Variants in TNIK observed in about 807,000 individuals in gnomAD.
The protein encoded by TNIK is TRAF2 and NCK-interacting protein kinase.
In TNIK, 49 loss-of-function variants were observed where a neutral mutation model predicts 191.3. The ratio of observed to expected loss-of-function variants is 0.26; its 90% CI spans 0.20 to 0.32. The LOEUF is 0.32. Ranked by LOEUF, TNIK falls within the 10% of genes least tolerant of loss-of-function variation. The pLI, the probability that TNIK is intolerant of heterozygous loss-of-function variation, is 1.00. For missense variants in TNIK, 1,155 were observed against 1,702.3 expected (o/e 0.68, Z 5.66); for synonymous variants, 594 against 600.9 (o/e 0.99, Z 0.17).
intron 2 of TNIK, among the ~76,000 whole-genome samples, chr3:171,322,490 A>G (rs1382543742): frequency 6.6e-6 from 1 of 152,180 alleles, no homozygotes; most frequent in Non-Finnish European, 1.5e-5. Flanking sequence ...GCATATATAA[A>G]GTACATCATT....
intron 18 of TNIK, among the ~76,000 whole-genome samples, chr3:171,118,660 A>C (rs1305349346): frequency 2.0e-5 from 3 of 152,222 alleles, no homozygotes; most frequent in Non-Finnish European, 2.9e-5. Flanking sequence ...CTGATCTTTG[A>C]TAAACCTGAC....
chr3:171,089,190 A>G (rs1721735393), intron 23 of TNIK, among the ~76,000 whole-genome samples: 2 of 152,310 alleles, frequency 1.3e-5, no homozygotes, highest in South Asian at 4.1e-4. Context: ...CTGCTCCTGG[A>G]CTACGAGCTG....
chr3:171,207,437 A>G (rs2108895626), intron 4 of TNIK, among the ~76,000 whole-genome samples: 1 of 152,188 alleles, frequency 6.6e-6, no homozygotes, highest in Admixed American at 6.5e-5. Context: ...GGGCTCAAGC[A>G]ACCCTCCCAG....
Position 171,123,656 on chromosome 3 carries a change from T to C in TNIK, c.2060A>G (p.Asn687Ser). The C allele has an allele frequency of 6.3e-7, 1 of 1,578,970 alleles. No individual in the cohort carries two copies. The highest frequency in any genetic ancestry group is 1.2e-5 in the South Asian group (1 of 85,910). Residue 687 changes from asparagine to serine, a missense_variant, in exon 18 of 33, where the codon AAT (asparagine) becomes AGT (serine). This residue lies in a region of TNIK where 735 missense variants were observed against 848.0 expected (regional missense o/e 0.87). Transcript: ENST00000436636. ...CAGAGCACTACCATTCCCAGGAGAA[T>C]TCTTTCTGGCTAATGCTGGGGATAT... is the stretch of plus-strand genomic sequence containing the variant. ...TSISPALARK[N>S]SPGNGSALGP... is the part of the protein sequence containing the mutation.
chr3:171,110,980 A>G (rs1725769947), intron 18 of TNIK, 103 bp from the exon 19 acceptor site: 1 of 1,168,914 alleles, frequency 8.6e-7, no homozygotes, highest in Non-Finnish European at 1.1e-6. Context: ...TAAGGAACTC[A>G]AAACAGCTCA....
rs1560207104 is a variant in TNIK at position 171,167,087 on chromosome 3, C to CT, written c.949+7_949+8insA. The CT allele has an allele frequency of 6.2e-7, 1 of 1,607,362 alleles. No homozygotes were observed. On this transcript the variant is annotated splice_region_variant and intron_variant, in intron 10 of 32. Transcript: ENST00000436636. ...TTTCTGCTGCTGAAATACAAATGTG[C>CT]GTCTAACCTTTTTCTCCTCGCTTCT... is the stretch of plus-strand genomic sequence containing the variant.
chr3:171,248,083 G>A (rs9857547), intron 2 of TNIK, among the ~76,000 whole-genome samples: 32,144 of 152,078 alleles, frequency 0.21, 3,479 homozygotes, highest in Middle Eastern at 0.32. Context: ...TTTACATTGA[G>A]TTAGGATGAA....
At chr3:171,229,795 C>A (rs1466539239) in intron 2 of TNIK, among the ~76,000 whole-genome samples, 1 of 152,042 alleles carries the variant, frequency 6.6e-6, no homozygotes, top group Non-Finnish European at 1.5e-5. Flanking sequence ...GGGGAAAGAG[C>A]ACAAAGAAGG....
In TNIK at chr3:171,218,987, AATT is replaced by A. The variant is rs1455898679; in HGVS notation, c.181-7749_181-7747del. ...AATATTTATATTTATATTTATATTA[AATT>A]ATTACATATTAATATATAAAATATT... On this transcript the variant is annotated intron_variant, in intron 3 of 32. Coordinates refer to ENST00000436636, the MANE Select transcript of TNIK (RefSeq NM_015028.4). Among the ~76,000 whole-genome samples the A allele has an allele frequency of 2.9e-3, 351 of 121,984 alleles. 2 individuals are homozygous for A. The highest frequency in any genetic ancestry group is 0.011 in the African/African-American group (339 of 30,234). The allele number at this position is 121,984 out of a possible 152,430, so 80.0% of individuals were successfully genotyped here.
At chr3:171,334,684 T>C (rs1419635220) in intron 2 of TNIK, among the ~76,000 whole-genome samples, 2 of 152,172 alleles carry the variant, frequency 1.3e-5, no homozygotes, top group Admixed American at 6.5e-5. Flanking sequence ...AAAAGACTCA[T>C]GAAGTCTTGA....
intron 29 of TNIK, among the ~76,000 whole-genome samples, chr3:171,069,814 C>T (rs1718954579): frequency 6.6e-6 from 1 of 152,136 alleles, no homozygotes; most frequent in African/African-American, 2.4e-5. Context: ...ACTATAATGC[C>T]ACTGCTACCT....
chr3:171,369,603 A>G lies in TNIK; in HGVS notation c.123+17T>C. ...CTGAAACCGTACATAAGCCACTCTCAGACTCAATGTACTTACCTTATAAAC... is the reference window on the plus strand; with the variant it reads ...CTGAAACCGTACATAAGCCACTCTCGGACTCAATGTACTTACCTTATAAAC... On this transcript the variant is annotated intron_variant, in intron 2 of 32. Coordinates refer to ENST00000436636, the MANE Select transcript of TNIK (RefSeq NM_015028.4). 6.4e-7 allele frequency: 1 copy of G among 1,562,978 alleles called. No individual in the cohort carries two copies. The highest frequency in any genetic ancestry group is 2.4e-5 in the East Asian group (1 of 42,464).
chr3:171,450,908 G>A (rs1728093418), intron 1 of TNIK, among the ~76,000 whole-genome samples: 2 of 152,186 alleles, frequency 1.3e-5, no homozygotes, highest in Non-Finnish European at 2.9e-5. Flanking sequence ...CTCCAGTTGG[G>A]ACAGCCAGAT....
At chr3:171,417,361 T>C (rs7612582) in intron 1 of TNIK, among the ~76,000 whole-genome samples, 29,903 of 152,052 alleles carry the variant, frequency 0.2, 4,015 homozygotes, top group African/African-American at 0.39. Flanking sequence ...TAACAAAGGC[T>C]TGTTTCACCA....
At chr3:171,128,481 T>G (rs1364788599) in intron 16 of TNIK, among the ~76,000 whole-genome samples, 1 of 152,204 alleles carries the variant, frequency 6.6e-6, no homozygotes, top group East Asian at 1.9e-4. Context: ...GAGGCCAATT[T>G]AAATAGAAGT....
At chr3:171,180,281 C>T (rs371093118) in intron 7 of TNIK, among the ~76,000 whole-genome samples, 7 of 152,304 alleles carry the variant, frequency 4.6e-5, no homozygotes, top group African/African-American at 1.4e-4. Context: ...CCAAAGCCTG[C>T]TCAACCCCTG....
chr3:171,451,029 T>C (rs1260136907), intron 1 of TNIK, among the ~76,000 whole-genome samples: 2 of 152,208 alleles, frequency 1.3e-5, no homozygotes, highest in African/African-American at 4.8e-5. Context: ...AAAGAAAGCC[T>C]CTCTGTTTAG....
At chr3:171,094,040 A>C (rs1722401106) in intron 22 of TNIK, 72 bp from the exon 23 acceptor site, 1 of 1,534,596 alleles carries the variant, frequency 6.5e-7, no homozygotes, top group African/African-American at 1.4e-5. Context: ...CATATTCATT[A>C]TTTTTGTTAT....
At chr3:171,208,339 G>C (rs544276248) in intron 4 of TNIK, among the ~76,000 whole-genome samples, 46 of 151,174 alleles carry the variant, frequency 3.0e-4, no homozygotes, top group Admixed American at 1.4e-3. Flanking sequence ...ATGTACTGAA[G>C]AGAAAGATTA....
Sources: allele counts gnomAD v4.1 joint callset (sites outside exome capture counted in the v4.1 genomes callset), GRCh38; gene constraint gnomAD v4.1.1; regional missense constraint gnomAD v4.1.1; transcripts MANE v1.5; gene names NCBI Gene and HGNC (gene_info 2026-07-23, HGNC 2026-07-21).